SCEL: variants seen among roughly 807,000 people sequenced by gnomAD.
The protein encoded by SCEL is sciellin.
Under a neutral mutation model 117.6 loss-of-function variants are expected in SCEL, and 113 were observed. That is an observed-to-expected ratio of 0.96 (90% CI 0.83 to 1.12). The LOEUF (loss-of-function observed/expected upper bound fraction) is 1.12. Among genes scored for constraint, SCEL ranks in the 50% most tolerant of loss-of-function variants. SCEL has a pLI of 0.00. For missense variants in SCEL, 785 were observed against 810.8 expected (o/e 0.97, Z 0.39); for synonymous variants, 270 against 256.2 (o/e 1.05, Z -0.51).
chr13:77,608,971 C>A, intron 20 of SCEL, 87 bp from the exon 21 acceptor site: 1 of 1,070,742 alleles, frequency 9.3e-7, no homozygotes, highest in Non-Finnish European at 1.3e-6. Flanking sequence ...TAAAATTTAT[C>A]TTGAGTACAT....
At chr13:77,605,229 A>G (rs74609827) in intron 19 of SCEL, among the ~76,000 whole-genome samples, 3 of 104,252 alleles carry the variant, frequency 2.9e-5, no homozygotes, top group Admixed American at 9.5e-5. Flanking sequence ...TGATTCTAAC[A>G]TGTGTCATGG....
intron 27 of SCEL, among the ~76,000 whole-genome samples, chr13:77,619,809 T>C (rs111882900): frequency 1.2e-4 from 18 of 152,324 alleles, no homozygotes; most frequent in African/African-American, 4.1e-4. Flanking sequence ...TCAATAACCA[T>C]GTTATGTAAT....
chr13:77,550,845 A>C (rs991683249), intron 1 of SCEL, among the ~76,000 whole-genome samples: 6 of 152,310 alleles, frequency 3.9e-5, no homozygotes, highest in African/African-American at 1.4e-4. Flanking sequence ...TTGTGTGGAC[A>C]TGTTTTTAAC....
intron 28 of SCEL, among the ~76,000 whole-genome samples, chr13:77,631,351 A>G (rs2090011629): frequency 6.6e-6 from 1 of 152,214 alleles, no homozygotes; most frequent in African/African-American, 2.4e-5. Flanking sequence ...CATGAAAAAC[A>G]AAGACTTCCA....
intron 1 of SCEL, among the ~76,000 whole-genome samples, chr13:77,540,081 G>T (rs2083620845): frequency 6.6e-6 from 1 of 152,052 alleles, no homozygotes; most frequent in Non-Finnish European, 1.5e-5. Flanking sequence ...TGTGACAAAG[G>T]ACGTATCATA....
intron 12 of SCEL, 44 bp from the exon 13 acceptor site, chr13:77,597,501 G>A (rs764953050): frequency 8.4e-7 from 1 of 1,189,160 alleles, no homozygotes; most frequent in South Asian, 1.4e-5. Flanking sequence ...TTGACCCTGG[G>A]CAAGCTTTTT....
chr13:77,554,063 A>G (rs914520046), intron 1 of SCEL, among the ~76,000 whole-genome samples: 1 of 152,048 alleles, frequency 6.6e-6, no homozygotes, highest in African/African-American at 2.4e-5. Context: ...CGTTTCTGAG[A>G]GGCATTTGGG....
At chr13:77,588,479 A>C (rs952089839) in intron 9 of SCEL, among the ~76,000 whole-genome samples, 1 of 152,150 alleles carries the variant, frequency 6.6e-6, no homozygotes, top group Non-Finnish European at 1.5e-5. Flanking sequence ...CAGGGGAGTG[A>C]CATACTCTTA....
At chr13:77,574,467 C>T (rs747686267) in intron 9 of SCEL, among the ~76,000 whole-genome samples, 3 of 152,162 alleles carry the variant, frequency 2.0e-5, no homozygotes, top group South Asian at 2.1e-4. Context: ...AATGGCTAAA[C>T]GAAAAGACTT....
intron 1 of SCEL, among the ~76,000 whole-genome samples, chr13:77,550,161 G>A (rs1196944274): frequency 6.6e-6 from 1 of 151,864 alleles, no homozygotes; most frequent in East Asian, 1.9e-4. Context: ...TGAGGCAGGT[G>A]GATGGCTTGA....
chr13:77,617,771 A>C (rs1332804041), intron 25 of SCEL, 32 bp from the exon 26 acceptor site: 50 of 1,569,252 alleles, frequency 3.2e-5, no homozygotes, highest in Non-Finnish European at 4.1e-5. Context: ...CTTCAAAATT[A>C]ACCTGCTCTC....
chr13:77,603,184 A>G, intron 18 of SCEL, 49 bp downstream of exon 18: 1 of 1,194,740 alleles, frequency 8.4e-7, no homozygotes, highest in South Asian at 1.4e-5. Flanking sequence ...AGTGTCAATC[A>G]GAAGATAAAA....
chr13:77,625,183 A>T (rs530728752), intron 27 of SCEL, among the ~76,000 whole-genome samples: 1 of 152,324 alleles, frequency 6.6e-6, no homozygotes, highest in South Asian at 2.1e-4. Context: ...AAATTGGATC[A>T]TGGAATACCA....
chr13:77,600,509 T>C (rs2087594998), intron 15 of SCEL, among the ~76,000 whole-genome samples: 1 of 152,200 alleles, frequency 6.6e-6, no homozygotes, highest in South Asian at 2.1e-4. Context: ...TATCTCTTCA[T>C]ACGTATTTGT....
chr13:77,553,638 G>A (rs1355936092), intron 1 of SCEL, among the ~76,000 whole-genome samples: 2 of 152,018 alleles, frequency 1.3e-5, no homozygotes, highest in Admixed American at 6.6e-5. Context: ...CACTCCCGGT[G>A]TGCTCAGCTG....
chr13:77,635,210 A>G (rs995348635), intron 29 of SCEL, among the ~76,000 whole-genome samples: 1 of 152,208 alleles, frequency 6.6e-6, no homozygotes, highest in Non-Finnish European at 1.5e-5. Flanking sequence ...AAACCCATGC[A>G]TAATTTACCT....
At chr13:77,634,101 C>G (rs538673764) in intron 28 of SCEL, among the ~76,000 whole-genome samples, 8 of 152,096 alleles carry the variant, frequency 5.3e-5, no homozygotes, top group Non-Finnish European at 1.2e-4. Context: ...TACAAATATT[C>G]AAAAATAATC....
chr13:77,616,215 A>G (rs1266977460), intron 24 of SCEL, among the ~76,000 whole-genome samples: 2 of 151,924 alleles, frequency 1.3e-5, no homozygotes, highest in Non-Finnish European at 2.9e-5. Flanking sequence ...TATGTTACTT[A>G]CTCTTAATTA....
chr13:77,577,157 G>C (rs2085992409), intron 9 of SCEL, among the ~76,000 whole-genome samples: 1 of 152,170 alleles, frequency 6.6e-6, no homozygotes, highest in Non-Finnish European at 1.5e-5. Context: ...ACGCTGGCCA[G>C]AACTTCCAAT....
Sources: allele counts gnomAD v4.1 joint callset (sites outside exome capture counted in the v4.1 genomes callset), GRCh38; gene constraint gnomAD v4.1.1; transcripts MANE v1.5; gene names NCBI Gene and HGNC (gene_info 2026-07-23, HGNC 2026-07-21).